Variants in DCDC2 observed in about 807,000 individuals in gnomAD.
DCDC2 encodes doublecortin domain-containing protein 2.
Under a neutral mutation model 50.2 loss-of-function variants are expected in DCDC2, and 40 were observed. The ratio of observed to expected loss-of-function variants is 0.80; its 90% confidence interval spans 0.62 to 1.04. DCDC2 has a LOEUF of 1.04. Among genes scored for constraint, DCDC2 ranks in the 50% least tolerant of loss-of-function variants. DCDC2 has a pLI of 0.00. For synonymous variants in DCDC2, 234 were observed against 210.6 expected (o/e 1.11, Z -0.96); for missense variants, 570 against 581.9 (o/e 0.98, Z 0.21).
intron 7 of DCDC2, among the ~76,000 whole-genome samples, chr6:24,275,615 C>A (rs1203530314): frequency 1.3e-5 from 2 of 152,028 alleles, no homozygotes; most frequent in Admixed American, 6.6e-5. Context: ...TGAGATCCAG[C>A]AATTTAAAAC....
chr6:24,286,562 C>G (rs1282438592), intron 6 of DCDC2, among the ~76,000 whole-genome samples: 1 of 150,274 alleles, frequency 6.7e-6, no homozygotes, highest in Non-Finnish European at 1.5e-5. Context: ...CACTGTACAC[C>G]ACCCTGGGTG....
rs192983068 is a variant in DCDC2, at chr6:24,234,547, G to T, written c.923-29445C>A. The stretch of plus-strand genomic sequence containing the variant: ...TTATTGCTGCCTGTGGAGAAAAAAA[G>T]GAGAACCTAAACAAGGGTGGCGGTA... On this transcript the variant is annotated intron_variant, in intron 7 of 9. Coordinates refer to ENST00000378454, the MANE Select transcript of DCDC2 (RefSeq NM_016356.5). 2.3e-4 allele frequency among the ~76,000 whole-genome samples: 35 copies of T among 152,300 alleles called. 1 individual carries two copies. The East Asian group carries it at 6.0e-3, about 26-fold the overall frequency.
the DCDC2 span, among the ~76,000 whole-genome samples, chr6:24,363,681 C>G: frequency 6.6e-6 from 1 of 152,138 alleles, no homozygotes; most frequent in Non-Finnish European, 1.5e-5. Flanking sequence ...CAACTAATCA[C>G]CAAGTTCTAT....
At chr6:24,229,703 C>A (rs12192506) in intron 7 of DCDC2, among the ~76,000 whole-genome samples, 8,421 of 152,256 alleles carry the variant, frequency 0.055, 300 homozygotes, top group Middle Eastern at 0.095. Flanking sequence ...TAAAAATCCT[C>A]AACACTTATG....
the DCDC2 span, among the ~76,000 whole-genome samples, chr6:24,381,862 AAATAAAAG>A: frequency 3.4e-4 from 13 of 38,800 alleles, no homozygotes; most frequent in Non-Finnish European, 5.3e-4. Flanking sequence ...AAGGAAGGAG[AAATAAAAG>A]AAAGAAAGAG....
intron 7 of DCDC2, among the ~76,000 whole-genome samples, chr6:24,236,346 C>T (rs793832): frequency 0.52 from 78,780 of 151,986 alleles, 22,256 homozygotes; most frequent in Non-Finnish European, 0.62. Flanking sequence ...ACTCCCTATT[C>T]GACACATGGT....
At chr6:24,216,609 G>A (rs1432876638) in intron 7 of DCDC2, among the ~76,000 whole-genome samples, 1 of 152,196 alleles carries the variant, frequency 6.6e-6, no homozygotes, top group Non-Finnish European at 1.5e-5. Flanking sequence ...GAGGCCTGAG[G>A]CCATCAAGAC....
chr6:24,376,817 TA>T, the DCDC2 span, among the ~76,000 whole-genome samples: 71,895 of 132,372 alleles, frequency 0.54, 19,507 homozygotes, highest in East Asian at 0.77. Flanking sequence ...GTTTTTTTAA[TA>T]AAAAAAAAAA....
At chr6:24,203,961 T>C (rs1761647814) in intron 8 of DCDC2, among the ~76,000 whole-genome samples, 1 of 152,178 alleles carries the variant, frequency 6.6e-6, no homozygotes, top group Non-Finnish European at 1.5e-5. Flanking sequence ...CCACTTAGAA[T>C]GGCAATCATT....
chr6:24,224,724 G>C (rs1332524874), intron 7 of DCDC2, among the ~76,000 whole-genome samples: 1 of 151,984 alleles, frequency 6.6e-6, no homozygotes, highest in Non-Finnish European at 1.5e-5. Context: ...GCCCACCCTG[G>C]CCTCCCAGTC....
intron 8 of DCDC2, among the ~76,000 whole-genome samples, chr6:24,187,537 G>A (rs1017159904): frequency 2.0e-5 from 3 of 152,130 alleles, no homozygotes; most frequent in Admixed American, 1.3e-4. Context: ...AAAAAATAGT[G>A]AACATAAATT....
chr6:24,249,623 G>T (rs192862524), intron 7 of DCDC2, among the ~76,000 whole-genome samples: 1 of 152,262 alleles, frequency 6.6e-6, no homozygotes, highest in Non-Finnish European at 1.5e-5. Context: ...AACCGACAGT[G>T]TTAAATTAAA....
intron 4 of DCDC2, among the ~76,000 whole-genome samples, chr6:24,293,271 A>T: frequency 6.6e-6 from 1 of 152,190 alleles, no homozygotes; most frequent in African/African-American, 2.4e-5. Flanking sequence ...CTTCTTTTAT[A>T]TAACTGTTGT....
intron 2 of DCDC2, among the ~76,000 whole-genome samples, chr6:24,337,609 C>T (rs1030529980): frequency 2.6e-5 from 4 of 152,046 alleles, no homozygotes; most frequent in Admixed American, 2.0e-4. Flanking sequence ...AGGTGGCCAA[C>T]ATGGTGAAAC....
At chr6:24,381,959 A>AAAAGGAAG in the DCDC2 span, among the ~76,000 whole-genome samples, 49 of 103,704 alleles carry the variant, frequency 4.7e-4, no homozygotes, top group South Asian at 1.9e-3. Flanking sequence ...AAGGAAAGAA[A>AAAAGGAAG]GAAGGAAGGA....
the DCDC2 span, among the ~76,000 whole-genome samples, chr6:24,372,429 A>C: frequency 2.0e-5 from 3 of 152,108 alleles, no homozygotes; most frequent in African/African-American, 7.2e-5. Context: ...AAAAAAAAAA[A>C]AGGTGTAAAT....
At chr6:24,353,007 G>A (rs533330276) in intron 2 of DCDC2, among the ~76,000 whole-genome samples, 21 of 152,270 alleles carry the variant, frequency 1.4e-4, no homozygotes, top group South Asian at 1.0e-3. Flanking sequence ...CGTGGAATGC[G>A]GTATTGTGAA....
At position 24,357,852 on chromosome 6, in the gene DCDC2, A is replaced by C; in HGVS notation, c.-102T>G. 1 of 1,589,830 alleles carries C rather than the reference A, an allele frequency of 6.3e-7. No homozygotes were observed. The highest frequency in any genetic ancestry group is 8.6e-7 in the Non-Finnish European group (1 of 1,167,286). On this transcript the variant is annotated 5_prime_UTR_variant, in exon 1 of 10. Transcript: ENST00000378454. ...CCCAGGGCGCGGGATCGCCTCCTGAAACGAACGAGAAACTGACGAATCCAC... is the reference window on the plus strand; with the variant it reads ...CCCAGGGCGCGGGATCGCCTCCTGACACGAACGAGAAACTGACGAATCCAC...
chr6:24,346,053 C>T (rs1187933856), intron 2 of DCDC2, among the ~76,000 whole-genome samples: 1 of 150,834 alleles, frequency 6.6e-6, no homozygotes, highest in Admixed American at 6.6e-5. Context: ...GTGGCACACA[C>T]TTGTAGTCCC....
Sources: gnomAD v4.1 joint callset for allele counts (sites outside exome capture counted in the v4.1 genomes callset) on GRCh38, gnomAD v4.1.1 for gene constraint, MANE v1.5 for transcripts, NCBI Gene and HGNC (gene_info 2026-07-23, HGNC 2026-07-21) for gene names.